Variants in TCERG1L observed in about 807,000 individuals in gnomAD.
TCERG1L encodes transcription elongation regulator 1-like protein.
In TCERG1L, 37 loss-of-function variants were observed where a neutral mutation model predicts 56.3. That is an observed-to-expected ratio of 0.66 (90% CI 0.51 to 0.87). TCERG1L has a LOEUF of 0.87. TCERG1L is among the 40% of genes least tolerant of loss of function. TCERG1L has a pLI of 0.00. For synonymous variants in TCERG1L, 324 were observed against 326.3 expected (o/e 0.99, Z 0.08); for missense variants, 799 against 774.2 (o/e 1.03, Z -0.38).
intron 4 of TCERG1L, among the ~76,000 whole-genome samples, chr10:131,232,645 G>C (rs779991788): frequency 2.0e-5 from 3 of 152,216 alleles, no homozygotes; most frequent in Non-Finnish European, 2.9e-5. Context: ...TTCCAAAAGT[G>C]AAGTTTTCAC....
At chr10:131,171,728 A>G (rs2133441399) in intron 4 of TCERG1L, among the ~76,000 whole-genome samples, 1 of 152,086 alleles carries the variant, frequency 6.6e-6, no homozygotes, top group East Asian at 1.9e-4. Flanking sequence ...GCGCCACCAC[A>G]CCTGGCTCAT....
At chr10:131,110,712 C>T (rs986042091) in intron 9 of TCERG1L, among the ~76,000 whole-genome samples, 45 of 152,314 alleles carry the variant, frequency 3.0e-4, no homozygotes, top group African/African-American at 1.0e-3. Flanking sequence ...AACTTCAGTC[C>T]CGGCTTCACC....
At chr10:131,218,999 C>G (rs1008478497) in intron 4 of TCERG1L, among the ~76,000 whole-genome samples, 1 of 152,160 alleles carries the variant, frequency 6.6e-6, no homozygotes, top group African/African-American at 2.4e-5. Flanking sequence ...CACTGTCACT[C>G]CTCCTGGGCA....
chr10:131,266,379 G>A (rs957762142), intron 3 of TCERG1L, among the ~76,000 whole-genome samples: 7 of 152,156 alleles, frequency 4.6e-5, no homozygotes, highest in East Asian at 1.9e-4. Context: ...GAATGTTCAC[G>A]GCTGCAGAAT....
chr10:131,143,863 C>T (rs1372926737), intron 7 of TCERG1L, among the ~76,000 whole-genome samples: 2 of 152,238 alleles, frequency 1.3e-5, no homozygotes, highest in African/African-American at 2.4e-5. Context: ...AATCTGGATG[C>T]ACCGCAAGGT....
At chr10:131,153,357 G>C (rs1208430155) in intron 6 of TCERG1L, among the ~76,000 whole-genome samples, 1 of 152,116 alleles carries the variant, frequency 6.6e-6, no homozygotes, top group Non-Finnish European at 1.5e-5. Flanking sequence ...TGAGGAAGCT[G>C]GGTTCCCTTG....
At chr10:131,227,025 T>A (rs573667934) in intron 4 of TCERG1L, among the ~76,000 whole-genome samples, 1 of 152,332 alleles carries the variant, frequency 6.6e-6, no homozygotes, top group Non-Finnish European at 1.5e-5. Flanking sequence ...GCAGGCACTC[T>A]CCAGCCCTGC....
chr10:131,219,055 G>C (rs1248554483), intron 4 of TCERG1L, among the ~76,000 whole-genome samples: 1 of 152,154 alleles, frequency 6.6e-6, no homozygotes, highest in African/African-American at 2.4e-5. Flanking sequence ...CAGTGGTCAT[G>C]GCTGGCATGG....
intron 4 of TCERG1L, among the ~76,000 whole-genome samples, chr10:131,216,796 T>C: frequency 6.6e-6 from 1 of 152,110 alleles, no homozygotes; most frequent in East Asian, 1.9e-4. Flanking sequence ...GGGAGTGGGG[T>C]GCACACAGGC....
intron 4 of TCERG1L, among the ~76,000 whole-genome samples, chr10:131,203,207 T>C (rs1845464111): frequency 6.6e-6 from 1 of 151,428 alleles, no homozygotes. Flanking sequence ...CCCTCCGAGC[T>C]GCGCTCTCTG....
At position 131,311,720 on chromosome 10, in the gene TCERG1L, T is replaced by A; in HGVS notation, c.-85A>T. 1.6e-6 allele frequency: 1 copy of A among 640,090 alleles called. No homozygotes were observed. Among genetic ancestry groups the A allele is most frequent in the Non-Finnish European group, 2.0e-6 (1 of 498,184 alleles). 39.7% of individuals were successfully genotyped at this position (640,090 alleles called of 1,614,324 possible). ...GCGGCGGCGCGGCTCCGGAGCGAACTCACTTGGCTCCGCGGCGCGGCCGCT... is the reference window on the plus strand; with the variant it reads ...GCGGCGGCGCGGCTCCGGAGCGAACACACTTGGCTCCGCGGCGCGGCCGCT... On this transcript the variant is annotated 5_prime_UTR_variant, in exon 1 of 12. Coordinates refer to ENST00000368642, the MANE Select transcript of TCERG1L (RefSeq NM_174937.4). This position sits in a 1 kb window ranked among gnomAD's most constrained non-coding sequence, Gnocchi z 4.0.
intron 4 of TCERG1L, among the ~76,000 whole-genome samples, chr10:131,253,084 G>A (rs11017843): frequency 0.058 from 8,810 of 152,258 alleles, 453 homozygotes; most frequent in African/African-American, 0.13. Flanking sequence ...CAGCACAGTA[G>A]GCATCCAGCC....
intron 3 of TCERG1L, among the ~76,000 whole-genome samples, chr10:131,263,444 T>C (rs1217363319): frequency 6.6e-6 from 1 of 152,230 alleles, no homozygotes. Flanking sequence ...GGCCTGGCTG[T>C]GTTGGAAACG....
rs1589767062 is a variant in TCERG1L at position 131,267,523 on chromosome 10, G to A, written c.671-7079C>T. Among the ~76,000 whole-genome samples the A allele has an allele frequency of 6.6e-6, 1 of 152,192 alleles. No homozygotes were observed. Among genetic ancestry groups the A allele is most frequent in the African/African-American group, 2.4e-5 (1 of 41,432 alleles). ...CAGCTCTGCAAAGTGAGCAGACCTG[G>A]CTGTGCCCTTCTCTGCGTCTCCCTC... is the stretch of plus-strand genomic sequence containing the variant. On this transcript the variant is annotated intron_variant, in intron 3 of 11. Coordinates refer to ENST00000368642, the MANE Select transcript of TCERG1L (RefSeq NM_174937.4). This position sits in a 1 kb window ranked among gnomAD's most constrained non-coding sequence, Gnocchi z 4.9.
chr10:131,182,050 G>A (rs571777358), intron 4 of TCERG1L, among the ~76,000 whole-genome samples: 1 of 152,316 alleles, frequency 6.6e-6, no homozygotes, highest in Admixed American at 6.5e-5. Flanking sequence ...GCATGTGTGT[G>A]TGTACACAGC....
At chr10:131,301,087 T>C (rs1382983227) in intron 3 of TCERG1L, among the ~76,000 whole-genome samples, 1 of 152,064 alleles carries the variant, frequency 6.6e-6, no homozygotes, top group Non-Finnish European at 1.5e-5. Flanking sequence ...AAAGGATTCC[T>C]ATATGTCCCT....
At chr10:131,228,203 C>T (rs1044393545) in intron 4 of TCERG1L, among the ~76,000 whole-genome samples, 1 of 141,736 alleles carries the variant, frequency 7.1e-6, no homozygotes, top group East Asian at 2.2e-4. Flanking sequence ...ACGAGTCTCC[C>T]CTCCAGACAG....
At chr10:131,291,617 G>A (rs746094000) in intron 3 of TCERG1L, among the ~76,000 whole-genome samples, 8 of 150,710 alleles carry the variant, frequency 5.3e-5, no homozygotes, top group African/African-American at 9.8e-5. Flanking sequence ...TAGTAGAAAC[G>A]GGGTTTCACC....
intron 4 of TCERG1L, among the ~76,000 whole-genome samples, chr10:131,202,050 G>A (rs1845443208): frequency 6.6e-6 from 1 of 152,134 alleles, no homozygotes; most frequent in African/African-American, 2.4e-5. Flanking sequence ...AGAACTGCTG[G>A]GTTAAACAGA....
Sources: gnomAD v4.1 joint callset for allele counts (sites outside exome capture counted in the v4.1 genomes callset) on GRCh38, gnomAD v4.1.1 for gene constraint, Gnocchi (gnomAD v3.1) non-coding constraint, MANE v1.5 for transcripts, NCBI Gene and HGNC (gene_info 2026-07-23, HGNC 2026-07-21) for gene names.